ZNF124: variants seen among roughly 807,000 people sequenced by gnomAD.
The protein encoded by ZNF124 is zinc finger protein HZF-16.
A neutral mutation model predicts 26.6 loss-of-function variants in ZNF124; 25 were observed. That is an observed-to-expected ratio of 0.94 (90% CI 0.68 to 1.31). The LOEUF (loss-of-function observed/expected upper bound fraction) is 1.31. Among genes scored for constraint, ZNF124 ranks in the 40% most tolerant of loss-of-function variants. The probability of loss-of-function intolerance (pLI) is 0.00; values close to 1 mark genes in which losing one functional copy is unlikely to be tolerated. For synonymous variants in ZNF124, 129 were observed against 133.3 expected, an observed-to-expected ratio of 0.97 and a Z score of 0.22; for missense variants, 444 against 422.2, an observed-to-expected ratio of 1.05 and a Z score of -0.45.
chr1:247,151,924 A>AC (rs1167310476), downstream of ZNF124, among the ~76,000 whole-genome samples: 1 of 152,116 alleles, frequency 6.6e-6, no homozygotes, highest in Non-Finnish European at 1.5e-5. Context: ...ATGTTTATAT[A>AC]AAGTATAAAA....
chr1:247,169,714 C>A (rs1355482768), intron 1 of ZNF124, among the ~76,000 whole-genome samples: 2 of 146,734 alleles, frequency 1.4e-5, no homozygotes, highest in Non-Finnish European at 3.0e-5. Flanking sequence ...AAGCATGAGA[C>A]AATCCAGAGG....
intron 3 of ZNF124, among the ~76,000 whole-genome samples, chr1:247,141,547 C>T (rs1000615109): frequency 8.6e-5 from 13 of 151,662 alleles, no homozygotes; most frequent in African/African-American, 2.9e-4. Flanking sequence ...TTTGTTTCTT[C>T]CCCAGACCAA....
chr1:247,126,053 G>T (rs181119680), intron 3 of ZNF124, among the ~76,000 whole-genome samples: 14 of 152,146 alleles, frequency 9.2e-5, no homozygotes, highest in Non-Finnish European at 1.2e-4. Flanking sequence ...CATGAGGTCA[G>T]AAGTTCGAGA....
intron 1 of ZNF124, among the ~76,000 whole-genome samples, chr1:247,163,454 A>G (rs1283178775): frequency 6.6e-6 from 1 of 150,824 alleles, no homozygotes; most frequent in African/African-American, 2.4e-5. Flanking sequence ...GGGTATTACC[A>G]CCAGACTCAC....
At chr1:247,151,509 A>G (rs1407522254), downstream of ZNF124, among the ~76,000 whole-genome samples, 1 of 151,856 alleles carries the variant, frequency 6.6e-6, no homozygotes, top group Non-Finnish European at 1.5e-5. Context: ...TGTGTTGGCA[A>G]GGATGTGGGT....
chr1:247,159,682 CT>C lies in ZNF124; in HGVS notation c.157+4del. ...GACTAAGTGAAGAAATATTGTGATT[CT>C]TACCTATGGAAGCCAGATTCCTGAA... On this transcript the variant is annotated splice_donor_region_variant and intron_variant, in intron 2 of 3. Coordinates refer to ENST00000543802, the MANE Select transcript of ZNF124 (RefSeq NM_001297568.2). 1 of 1,609,126 alleles carries C rather than the reference CT, an allele frequency of 6.2e-7. No homozygotes were observed. Among genetic ancestry groups the C allele is most frequent in the Non-Finnish European group, 8.5e-7 (1 of 1,178,788 alleles).
rs1351768299 is a variant in ZNF124 at position 247,155,129 on chromosome 1, GC to G, written c.*1436del. ...CTCTCCTTAAACCAATGTTACCTAT[GC>G]AAATAGCCAAAAATAATGACAATGT... is the stretch of plus-strand genomic sequence containing the variant. On this transcript the variant is annotated 3_prime_UTR_variant, in exon 4 of 4. Coordinates refer to ENST00000543802, the MANE Select transcript of ZNF124 (RefSeq NM_001297568.2). Among the ~76,000 whole-genome samples, 22 of 152,182 alleles carry G rather than the reference GC, an allele frequency of 1.4e-4. No individual in the cohort carries two copies. Among genetic ancestry groups the G allele is most frequent in the Non-Finnish European group, 1.5e-4 (10 of 68,022 alleles).
Position 247,156,005 on chromosome 1 carries a change from T to C in ZNF124, c.*561A>G, listed in dbSNP as rs1467112471. The C allele has an allele frequency of 1.1e-6, 1 of 947,348 alleles. No individual in the cohort carries two copies. Among genetic ancestry groups the C allele is most frequent in the Non-Finnish European group, 1.3e-6 (1 of 795,446 alleles). The allele number at this position is 947,348 out of a possible 1,614,324, so 58.7% of individuals were successfully genotyped here. ...AAAACATCTCATTCACATAGTGAAT[T>C]TTCTTGAGAATTGTACTATAATTAT... On this transcript the variant is annotated 3_prime_UTR_variant, in exon 4 of 4. Coordinates refer to ENST00000543802, the MANE Select transcript of ZNF124 (RefSeq NM_001297568.2).
In ZNF124 at chr1:247,157,178, T is replaced by TAG; in HGVS notation, c.443_444insCT (p.Lys148AsnfsTer13). On this transcript the variant is annotated frameshift_variant, in exon 4 of 4. Coordinates refer to ENST00000543802, the MANE Select transcript of ZNF124 (RefSeq NM_001297568.2). LOFTEE classifies it high-confidence loss of function. Reference sequence around the variant, plus strand: ...TCCCACATTCCATACATTCATAGGGTTTCTCTCCAGTGTGATTTCTCTGAT... The same window carrying TAG: ...TCCCACATTCCATACATTCATAGGGTAGTTCTCTCCAGTGTGATTTCTCTGAT... The TAG allele has an allele frequency of 6.2e-7, 1 of 1,614,036 alleles. No individual in the cohort carries two copies. Among genetic ancestry groups the TAG allele is most frequent in the South Asian group, 1.1e-5 (1 of 91,078 alleles).
chr1:247,122,291 T>C (rs1439856071), exon 4 of ZNF124: 1 of 152,254 alleles, frequency 6.6e-6, no homozygotes, highest in African/African-American at 2.4e-5. Flanking sequence ...TCGTTTAACA[T>C]GTATAACACA....
intron 1 of ZNF124, among the ~76,000 whole-genome samples, chr1:247,163,959 CAT>C: frequency 6.6e-6 from 1 of 152,178 alleles, no homozygotes; most frequent in South Asian, 2.1e-4. Flanking sequence ...ATTAAGTAGG[CAT>C]TATCCCTTGG....
intron 3 of ZNF124, among the ~76,000 whole-genome samples, chr1:247,136,185 G>T (rs1206124980): frequency 6.6e-6 from 1 of 152,126 alleles, no homozygotes; most frequent in Non-Finnish European, 1.5e-5. Context: ...AGAAATAAAA[G>T]GGTATTAAAA....
chr1:247,124,497 G>T (rs990742935), intron 3 of ZNF124, among the ~76,000 whole-genome samples: 3 of 152,144 alleles, frequency 2.0e-5, no homozygotes, highest in Non-Finnish European at 4.4e-5. Context: ...CACCACGCCC[G>T]GCTCTGATTC....
chr1:247,135,300 A>C (rs1672455590), intron 3 of ZNF124, among the ~76,000 whole-genome samples: 1 of 152,178 alleles, frequency 6.6e-6, no homozygotes, highest in Non-Finnish European at 1.5e-5. Flanking sequence ...CACTAGCTAG[A>C]CTAATAAGAG....
At chr1:247,134,293 A>T (rs1672435571) in intron 3 of ZNF124, among the ~76,000 whole-genome samples, 2 of 152,372 alleles carry the variant, frequency 1.3e-5, no homozygotes, top group Non-Finnish European at 2.9e-5. Context: ...AGCCCCAATT[A>T]AAAGACTTGG....
chr1:247,136,799 T>G (rs188683160), intron 3 of ZNF124, among the ~76,000 whole-genome samples: 107 of 152,022 alleles, frequency 7.0e-4, no homozygotes, highest in African/African-American at 2.5e-3. Context: ...ATACAAAAAT[T>G]AGCCAGGCGT....
upstream of ZNF124, chr1:247,172,128 A>G (rs995911607): frequency 4.3e-5 from 5 of 115,382 alleles, no homozygotes; most frequent in African/African-American, 1.8e-4. Flanking sequence ...TCAGACTCTT[A>G]GTGACAGGTG....
chr1:247,151,622 G>A (rs980899353), downstream of ZNF124, among the ~76,000 whole-genome samples: 8 of 152,244 alleles, frequency 5.3e-5, no homozygotes, highest in African/African-American at 1.4e-4. Flanking sequence ...CTGAAGAGAC[G>A]TAAACATACA....
chr1:247,144,071 C>T (rs766745242), intron 3 of ZNF124, among the ~76,000 whole-genome samples: 1 of 152,108 alleles, frequency 6.6e-6, no homozygotes, highest in African/African-American at 2.4e-5. Flanking sequence ...AATACTAACC[C>T]TGTCCTTTCC....
Sources: allele counts gnomAD v4.1 joint callset (sites outside exome capture counted in the v4.1 genomes callset), GRCh38; gene constraint gnomAD v4.1.1; transcripts MANE v1.5; gene names NCBI Gene and HGNC (gene_info 2026-07-23, HGNC 2026-07-21).